Variants in VAMP7 observed in about 807,000 individuals in gnomAD.
VAMP7 encodes the protein vesicle-associated membrane protein 7.
A neutral mutation model predicts 29.6 loss-of-function variants in VAMP7; 14 were observed. The ratio of observed to expected loss-of-function variants is 0.47; its 90% CI spans 0.31 to 0.74. VAMP7 has a LOEUF of 0.74. Among genes scored for constraint, VAMP7 ranks in the 30% least tolerant of loss-of-function variants. The probability of loss-of-function intolerance (pLI) is 0.05; values close to 1 mark genes in which losing one functional copy is unlikely to be tolerated. For synonymous variants in VAMP7, 95 were observed against 88.1 expected, an observed-to-expected ratio of 1.08 and a Z score of -0.44; for missense variants, 223 against 262.4, an observed-to-expected ratio of 0.85 and a Z score of 1.04.
intron 1 of VAMP7, among the ~76,000 whole-genome samples, chrX:155,882,296 A>C (rs145538852): frequency 7.1e-4 from 108 of 152,218 alleles, no homozygotes; most frequent in African/African-American, 2.6e-3. Flanking sequence ...GGAGGTTGCT[A>C]CTCTCAGGAA....
intron 6 of VAMP7, among the ~76,000 whole-genome samples, chrX:155,939,111 C>T (rs1327508789): frequency 9.0e-6 from 1 of 111,584 alleles, no homozygotes; most frequent in African/African-American, 3.3e-5. Flanking sequence ...GAGTGGATTG[C>T]TGGATTATTA....
At chrX:155,907,252 C>A (rs1024416865) in intron 5 of VAMP7, among the ~76,000 whole-genome samples, 5 of 151,612 alleles carry the variant, frequency 3.3e-5, no homozygotes, top group Non-Finnish European at 5.9e-5. Flanking sequence ...GTTGGTATAT[C>A]ATTTTCTTTT....
In VAMP7 at chrX:155,942,842, G is replaced by T. The variant is rs2066767132; in HGVS notation, c.*891G>T. The T allele has an allele frequency of 6.6e-6, 1 of 152,022 alleles. No homozygotes were observed. The highest frequency in any genetic ancestry group is 6.6e-5 in the Admixed American group (1 of 15,244). The allele number at this position is 152,022 out of a possible 1,614,324, so 9.4% of individuals were successfully genotyped here. On this transcript the variant is annotated 3_prime_UTR_variant, in exon 8 of 8. Coordinates refer to ENST00000286448, the MANE Select transcript of VAMP7 (RefSeq NM_005638.6). ...GTGGATATGCTAGCATTTTAGCTGT[G>T]CAAAGGGAGGTAGTGTGGGAAAAGT...
chrX:155,916,890 T>C (rs745452382), intron 5 of VAMP7, among the ~76,000 whole-genome samples: 67 of 152,296 alleles, frequency 4.4e-4, no homozygotes, highest in African/African-American at 1.6e-3. Context: ...TTCCCAAATT[T>C]GAATGTTGAC....
intron 3 of VAMP7, 138 bp downstream of exon 3, chrX:155,895,818 C>A: frequency 1.6e-6 from 1 of 623,320 alleles, no homozygotes; most frequent in Admixed American, 2.7e-5. Context: ...AACCAGGCCA[C>A]ATAGCAGGAG....
intron 5 of VAMP7, among the ~76,000 whole-genome samples, chrX:155,901,471 C>A (rs1020002260): frequency 1.3e-5 from 2 of 151,790 alleles, no homozygotes; most frequent in African/African-American, 4.8e-5. Flanking sequence ...CGTTTTTAAT[C>A]GACTCCTTTT....
chrX:155,931,672 C>T (rs1228114399), intron 6 of VAMP7, among the ~76,000 whole-genome samples: 3 of 152,140 alleles, frequency 2.0e-5, no homozygotes, highest in African/African-American at 7.2e-5. Context: ...TGCCTGTTCA[C>T]TCTGATGGTA....
intron 1 of VAMP7, among the ~76,000 whole-genome samples, chrX:155,885,996 G>C (rs1050634495): frequency 6.6e-6 from 1 of 152,186 alleles, no homozygotes; most frequent in African/African-American, 2.4e-5. Context: ...GAATTGGGAT[G>C]GTGGCTGTGG....
intron 6 of VAMP7, among the ~76,000 whole-genome samples, chrX:155,936,664 C>T (rs764172250): frequency 6.6e-5 from 10 of 152,310 alleles, no homozygotes; most frequent in East Asian, 1.9e-4. Context: ...GGCGATGTCT[C>T]GCCCTGCTTC....
chrX:155,915,401 T>C (rs1320380731), intron 5 of VAMP7, among the ~76,000 whole-genome samples: 2 of 152,178 alleles, frequency 1.3e-5, no homozygotes, highest in South Asian at 4.2e-4. Context: ...TCTTGTCTTC[T>C]GCTACCTTTG....
chrX:155,935,328 C>G (rs2066632920), intron 6 of VAMP7, among the ~76,000 whole-genome samples: 1 of 152,160 alleles, frequency 6.6e-6, no homozygotes, highest in Non-Finnish European at 1.5e-5. Context: ...CCATCACTTT[C>G]AGGTACACCA....
At chrX:155,938,690 C>T (rs1017061786) in intron 6 of VAMP7, among the ~76,000 whole-genome samples, 1 of 152,132 alleles carries the variant, frequency 6.6e-6, no homozygotes, top group African/African-American at 2.4e-5. Flanking sequence ...GTGGCACACA[C>T]CTATAGTCCC....
At chrX:155,890,100 T>C (rs1466009263) in intron 2 of VAMP7, among the ~76,000 whole-genome samples, 3 of 151,680 alleles carry the variant, frequency 2.0e-5, no homozygotes, top group South Asian at 2.1e-4. Flanking sequence ...GATAGGAGAA[T>C]GGTATTCCAA....
chrX:155,940,874 C>A (rs1167740710), intron 7 of VAMP7, among the ~76,000 whole-genome samples: 1 of 152,144 alleles, frequency 6.6e-6, no homozygotes, highest in African/African-American at 2.4e-5. Context: ...TGCCCCCCAA[C>A]CCTGGCAATA....
intron 6 of VAMP7, among the ~76,000 whole-genome samples, chrX:155,930,931 G>C (rs965347176): frequency 6.6e-6 from 1 of 151,870 alleles, no homozygotes. Context: ...TCATTGTTCA[G>C]TTCCCACCTA....
intron 2 of VAMP7, among the ~76,000 whole-genome samples, chrX:155,892,161 C>T (rs912516503): frequency 5.9e-5 from 9 of 152,114 alleles, no homozygotes; most frequent in Non-Finnish European, 1.2e-4. Flanking sequence ...GCCTCTCTGC[C>T]TGTGTCTCTG....
rs775810744 is a variant in VAMP7 at position 155,935,632 on chromosome X, T to TG, written c.502-4068dup. ...TTTTTTTCAAGGTTTTTAGCTTCTT[T>TG]GTGCTGGGTTCAAACTTCCTCCTTT... On this transcript the variant is annotated intron_variant, in intron 6 of 7. Coordinates refer to ENST00000286448, the MANE Select transcript of VAMP7 (RefSeq NM_005638.6). Among the ~76,000 whole-genome samples the TG allele has an allele frequency of 2.5e-3, 388 of 152,280 alleles. 2 individuals carry two copies. Among genetic ancestry groups the TG allele is most frequent in the African/African-American group, 8.9e-3 (370 of 41,554 alleles).
At chrX:155,937,378 T>C (rs1474327259) in intron 6 of VAMP7, among the ~76,000 whole-genome samples, 1 of 152,144 alleles carries the variant, frequency 6.6e-6, no homozygotes, top group Non-Finnish European at 1.5e-5. Flanking sequence ...ATGTATTGAA[T>C]ATTTGAAATA....
At chrX:155,889,086 A>G (rs1279480177) in intron 1 of VAMP7, among the ~76,000 whole-genome samples, 1 of 152,144 alleles carries the variant, frequency 6.6e-6, no homozygotes, top group Non-Finnish European at 1.5e-5. Context: ...AATTTTCAGG[A>G]TGGAATTTCT....
Sources: allele counts gnomAD v4.1 joint callset (sites outside exome capture counted in the v4.1 genomes callset), GRCh38; gene constraint gnomAD v4.1.1; transcripts MANE v1.5; gene names NCBI Gene and HGNC (gene_info 2026-07-23, HGNC 2026-07-21).